STIL: variants seen among roughly 807,000 people sequenced by gnomAD.
The protein encoded by STIL is SCL-interrupting locus protein.
In STIL, 55 loss-of-function variants were observed where a neutral mutation model predicts 110.1. That is an observed-to-expected ratio of 0.50 (90% confidence interval 0.40 to 0.63). STIL has a LOEUF of 0.63. Among genes scored for constraint, STIL ranks in the 20% least tolerant of loss-of-function variants. The probability of loss-of-function intolerance (pLI) is 0.00; values close to 1 mark genes in which losing one functional copy is unlikely to be tolerated. For synonymous variants in STIL, 481 were observed against 530.0 expected (o/e 0.91, Z 1.27); for missense variants, 1,358 against 1,530.0 (o/e 0.89, Z 1.87).
At chr1:47,259,716 CA>C (rs1281561784) in intron 16 of STIL, among the ~76,000 whole-genome samples, 1 of 151,900 alleles carries the variant, frequency 6.6e-6, no homozygotes, top group Non-Finnish European at 1.5e-5. Flanking sequence ...AATTAGAAAA[CA>C]AAAAATAATT....
At chr1:47,314,250 G>C (rs1342416683), upstream of STIL, 1 of 152,276 alleles carries the variant, frequency 6.6e-6, no homozygotes, top group Non-Finnish European at 1.5e-5. Flanking sequence ...AGAGAGCCGC[G>C]CACGGTCGCC....
intron 10 of STIL, among the ~76,000 whole-genome samples, chr1:47,287,160 C>T (rs982916039): frequency 4.6e-5 from 7 of 151,952 alleles, no homozygotes; most frequent in African/African-American, 9.7e-5. Context: ...GCTAGGAGCT[C>T]GAGACCAACC....
chr1:47,275,108 T>C (rs955650689), intron 12 of STIL, among the ~76,000 whole-genome samples: 1 of 151,328 alleles, frequency 6.6e-6, no homozygotes, highest in Admixed American at 6.6e-5. Context: ...GCTGAGCCAG[T>C]GCCCTCCAGC....
rs1644167757 is a variant in STIL, at chr1:47,251,019, G to A, written c.*117C>T. On this transcript the variant is annotated 3_prime_UTR_variant, in exon 17 of 17. Coordinates refer to ENST00000371877, the MANE Select transcript of STIL (RefSeq NM_001048166.1). ...CAGAAGTCACTCTTCCCAATTGGCTGCTACCAAGAAACAGTGACTCCAGAA... is the reference window on the plus strand; with the variant it reads ...CAGAAGTCACTCTTCCCAATTGGCTACTACCAAGAAACAGTGACTCCAGAA... 8.1e-6 allele frequency: 8 copies of A among 991,618 alleles called. No homozygotes were observed. Among genetic ancestry groups the A allele is most frequent in the African/African-American group, 1.6e-5 (1 of 61,082 alleles). 61.4% of individuals were successfully genotyped at this position (991,618 alleles called of 1,614,324 possible).
intron 14 of STIL, among the ~76,000 whole-genome samples, chr1:47,266,127 C>A (rs1406709381): frequency 6.6e-6 from 1 of 152,118 alleles, no homozygotes; most frequent in Admixed American, 6.5e-5. Context: ...ATCTAACATA[C>A]ACAAAAGAGC....
At chr1:47,277,330 A>C (rs1645022417) in intron 12 of STIL, among the ~76,000 whole-genome samples, 1 of 152,228 alleles carries the variant, frequency 6.6e-6, no homozygotes, top group Non-Finnish European at 1.5e-5. Context: ...ATGAGTTTGC[A>C]GAGAAAGACA....
intron 13 of STIL, among the ~76,000 whole-genome samples, chr1:47,271,808 CAA>C (rs949875842): frequency 8.0e-6 from 1 of 124,274 alleles, no homozygotes; most frequent in African/African-American, 3.0e-5. Flanking sequence ...GACTCCATTT[CAA>C]AAAAAAAAAC....
At chr1:47,262,504 T>C (rs1644514115) in intron 15 of STIL, among the ~76,000 whole-genome samples, 1 of 152,226 alleles carries the variant, frequency 6.6e-6, no homozygotes, top group African/African-American at 2.4e-5. Flanking sequence ...TCACTTAGCC[T>C]ACTGTCTTAG....
intron 11 of STIL, 61 bp downstream of exon 11, chr1:47,282,284 A>G: frequency 9.8e-7 from 1 of 1,018,462 alleles, no homozygotes; most frequent in African/African-American, 1.6e-5. Context: ...TTAGTGTTTT[A>G]ACCATGAAGA....
rs1037828665 is a variant in STIL at position 47,293,611 on chromosome 1, CTAAGA to C, written c.786-72_786-68del. On this transcript the variant is annotated intron_variant, in intron 7 of 16. Coordinates refer to ENST00000371877, the MANE Select transcript of STIL (RefSeq NM_001048166.1). Reference sequence around the variant, plus strand: ...ATATATAGCATAATTTACATTCTTCCTAAGATAACAAAGTAGACGTATGGCTTTTA... The same window carrying C: ...ATATATAGCATAATTTACATTCTTCCTAACAAAGTAGACGTATGGCTTTTA... The C allele has an allele frequency of 1.2e-5, 16 of 1,316,610 alleles. No homozygotes were observed. In the African/African-American group the frequency reaches 1.6e-4, roughly 13 times the overall value. The allele number at this position is 1,316,610 out of a possible 1,614,324, so 81.6% of individuals were successfully genotyped here.
chr1:47,280,762 C>A lies in STIL; in HGVS notation c.1696G>T (p.Ala566Ser). 6 of 1,613,832 alleles carry A rather than the reference C, an allele frequency of 3.7e-6. No individual in the cohort carries two copies. Among genetic ancestry groups the A allele is most frequent in the Non-Finnish European group, 5.1e-6 (6 of 1,179,866 alleles). The change falls in exon 12 of 17, where the codon GCC becomes TCC. Residue 566 changes from alanine (A) to serine (S), a missense_variant. Physicochemically the swap from Ala to Ser is moderately conservative, Grantham distance 99. Coordinates refer to ENST00000371877, the MANE Select transcript of STIL (RefSeq NM_001048166.1). ...STLNSRQSSL[A>S]PQSQPHDFVF... ...AAATCGTGTGGTTGGGACTGCGGGG[C>A]AAGAGAAGACTGCCTAGAATTAAGT...
At chr1:47,263,467 C>CGGG in intron 14 of STIL, among the ~76,000 whole-genome samples, 1 of 152,176 alleles carries the variant, frequency 6.6e-6, no homozygotes, top group Non-Finnish European at 1.5e-5. Context: ...TCACTTAGCC[C>CGGG]AGGAATTCGA....
intron 12 of STIL, among the ~76,000 whole-genome samples, chr1:47,274,362 C>T (rs960325581): frequency 7.1e-4 from 107 of 150,008 alleles, no homozygotes; most frequent in Non-Finnish European, 1.1e-3. Flanking sequence ...GACAGAGCCT[C>T]GCTCTGTCGC....
Position 47,251,316 on chromosome 1 carries a change from C to A in STIL, c.3687G>T (p.Val1229=). The A allele has an allele frequency of 6.2e-7, 1 of 1,614,114 alleles. No homozygotes were observed. Among genetic ancestry groups the A allele is most frequent in the Non-Finnish European group, 8.5e-7 (1 of 1,179,966 alleles). The change falls in exon 17 of 17, where the codon GTG becomes GTT. Residue 1229 remains valine (V), a synonymous_variant. Coordinates refer to ENST00000371877, the MANE Select transcript of STIL (RefSeq NM_001048166.1). ...LVKNLKPSPA[V]NLRTGKAEFT... is the part of the protein sequence containing the mutation. Reference sequence around the variant, plus strand: ...ACTCTGCTTTCCCGGTTCGAAGGTTCACTGCAGGACTTGGTTTAAGGTTCT... The same window carrying A: ...ACTCTGCTTTCCCGGTTCGAAGGTTAACTGCAGGACTTGGTTTAAGGTTCT...
chr1:47,268,327 T>A (rs1644714832), intron 14 of STIL, among the ~76,000 whole-genome samples: 1 of 151,978 alleles, frequency 6.6e-6, no homozygotes, highest in Non-Finnish European at 1.5e-5. Context: ...ACGCCTGTAA[T>A]CCCAGCTGCT....
intron 14 of STIL, among the ~76,000 whole-genome samples, chr1:47,268,316 C>A (rs1031303678): frequency 5.3e-5 from 8 of 151,988 alleles, no homozygotes; most frequent in African/African-American, 1.9e-4. Context: ...CGTGGTGGCG[C>A]ACGCCTGTAA....
chr1:47,302,386 A>G (rs758526289), intron 3 of STIL, 40 bp from the exon 4 acceptor site: 17 of 1,468,730 alleles, frequency 1.2e-5, no homozygotes, highest in Admixed American at 5.1e-5. Flanking sequence ...GGTAGACCTC[A>G]TATCTTAAAA....
At chr1:47,300,783 G>A (rs918205505) in intron 5 of STIL, among the ~76,000 whole-genome samples, 10 of 152,122 alleles carry the variant, frequency 6.6e-5, no homozygotes, top group Admixed American at 1.3e-4. Flanking sequence ...TTCCGATTGA[G>A]CCTCAGAGAA....
Position 47,251,386 on chromosome 1 carries a change from G to C in STIL, c.3617C>G (p.Thr1206Arg). The change falls in exon 17 of 17, where the codon ACA becomes AGA. Residue 1206 changes from threonine (T) to arginine (R), a missense_variant. Coordinates refer to ENST00000371877, the MANE Select transcript of STIL (RefSeq NM_001048166.1). ...LRNITNEVLQ[T>R]KAKQQLTEKP... ...TTCAGTCAACTGCTGTTTTGCTTTT[G>C]TCTGCAAAACTTCATTTGTAATATT... The C allele has an allele frequency of 6.2e-7, 1 of 1,614,154 alleles. No individual in the cohort carries two copies. Among genetic ancestry groups the C allele is most frequent in the Non-Finnish European group, 8.5e-7 (1 of 1,180,020 alleles).
Sources: allele counts gnomAD v4.1 joint callset (sites outside exome capture counted in the v4.1 genomes callset), GRCh38; gene constraint gnomAD v4.1.1; transcripts MANE v1.5; gene names NCBI Gene and HGNC (gene_info 2026-07-23, HGNC 2026-07-21).